PDE1C: variants seen among roughly 807,000 people sequenced by gnomAD.
PDE1C encodes the protein phosphodiesterase 1C, also known as dual specificity calcium/calmodulin-dependent 3',5'-cyclic nucleotide phosphodiesterase 1C.
PDE1C carries 62 observed loss-of-function variants against 93.1 expected under a neutral mutation model. The ratio of observed to expected loss-of-function variants is 0.67; its 90% CI spans 0.54 to 0.82. PDE1C has a LOEUF of 0.82. Ranked by LOEUF, PDE1C falls within the 40% of genes least tolerant of loss-of-function variation. PDE1C has a pLI of 0.00. For synonymous variants in PDE1C, 325 were observed against 310.1 expected, an observed-to-expected ratio of 1.05 and a Z score of -0.50; for missense variants, 742 against 884.6, an observed-to-expected ratio of 0.84 and a Z score of 2.04.
At chr7:31,932,994 T>C (rs1804530490) in intron 2 of PDE1C, among the ~76,000 whole-genome samples, 1 of 152,016 alleles carries the variant, frequency 6.6e-6, no homozygotes, top group Admixed American at 6.6e-5. Context: ...ATGTTCCCAC[T>C]CATAAGTGGG....
intron 1 of PDE1C, among the ~76,000 whole-genome samples, chr7:32,313,307 G>A (rs1783095356): frequency 6.7e-6 from 1 of 150,072 alleles, no homozygotes; most frequent in African/African-American, 2.5e-5. Flanking sequence ...CTGTTGGTGG[G>A]ACTGTAAACT....
At chr7:31,743,749 T>G in the PDE1C span, among the ~76,000 whole-genome samples, 2 of 152,198 alleles carry the variant, frequency 1.3e-5, no homozygotes, top group Non-Finnish European at 2.9e-5. Flanking sequence ...AATAGGGGTT[T>G]ATTTTTCTCA....
chr7:32,001,651 C>T (rs1315302799), intron 2 of PDE1C, among the ~76,000 whole-genome samples: 2 of 152,058 alleles, frequency 1.3e-5, no homozygotes, highest in African/African-American at 2.4e-5. Context: ...GCATCCTTAT[C>T]TCCATTTTGC....
At chr7:32,403,007 G>C (rs887177184) in intron 1 of PDE1C, among the ~76,000 whole-genome samples, 6 of 152,190 alleles carry the variant, frequency 3.9e-5, no homozygotes, top group Non-Finnish European at 8.8e-5. Context: ...CAGGGCAGGA[G>C]ACTCAGGACT....
chr7:32,280,880 G>A lies in PDE1C; in HGVS notation c.85+17771C>T, dbSNP rs552026385. On this transcript the variant is annotated intron_variant, in intron 1 of 18. Coordinates refer to the PDE1C transcript ENST00000396193. ...CACACCTATAGTCCTAGCTACTTGG[G>A]AGCCTGAGGCAAGAGGATCACTAGA... 6.6e-5 allele frequency among the ~76,000 whole-genome samples: 10 copies of A among 152,236 alleles called. No homozygotes were observed. In the East Asian group the frequency reaches 1.9e-3, roughly 29 times the overall value.
chr7:32,216,623 C>T (rs528623676), intron 1 of PDE1C, among the ~76,000 whole-genome samples: 20 of 152,318 alleles, frequency 1.3e-4, no homozygotes, highest in African/African-American at 4.8e-4. Flanking sequence ...TCTTCAAAAA[C>T]CAGGCACTGA....
intron 2 of PDE1C, among the ~76,000 whole-genome samples, chr7:32,032,178 C>A (rs978181720): frequency 2.0e-5 from 3 of 152,138 alleles, no homozygotes. Context: ...ACCCAGGATG[C>A]CACATGGGGC....
At chr7:32,308,186 G>A (rs1375934677) in intron 1 of PDE1C, among the ~76,000 whole-genome samples, 8 of 152,246 alleles carry the variant, frequency 5.3e-5, no homozygotes, top group Non-Finnish European at 8.8e-5. Flanking sequence ...GCTGGGGGAG[G>A]GGCGCCTGCC....
At chr7:32,244,129 T>C (rs910237359) in intron 1 of PDE1C, among the ~76,000 whole-genome samples, 18 of 152,100 alleles carry the variant, frequency 1.2e-4, no homozygotes, top group Admixed American at 1.0e-3. Context: ...CCACACCTGA[T>C]TTGTGGAATG....
chr7:32,308,467 C>A (rs1222339691), intron 1 of PDE1C, among the ~76,000 whole-genome samples: 9 of 152,236 alleles, frequency 5.9e-5, no homozygotes, highest in Non-Finnish European at 1.3e-4. Context: ...AGCAGCCTAA[C>A]TGGGAGGCAC....
At chr7:31,879,260 C>A in intron 3 of PDE1C, 82 bp from the exon 4 acceptor site, 10 of 1,361,784 alleles carry the variant, frequency 7.3e-6, no homozygotes, top group Non-Finnish European at 1.0e-5. Flanking sequence ...CTCCTCTCTG[C>A]CTCACCTGCA....
At chr7:32,411,237 G>C (rs967225615) in intron 1 of PDE1C, among the ~76,000 whole-genome samples, 1 of 152,130 alleles carries the variant, frequency 6.6e-6, no homozygotes, top group Non-Finnish European at 1.5e-5. Context: ...ATTAGAAGTG[G>C]ATGAGCAAAC....
intron 1 of PDE1C, among the ~76,000 whole-genome samples, chr7:32,298,250 A>C (rs893343390): frequency 2.6e-5 from 4 of 151,412 alleles, no homozygotes; most frequent in Non-Finnish European, 5.9e-5. Flanking sequence ...GTGTGTCTCT[A>C]TCATGTCCAC....
intron 2 of PDE1C, among the ~76,000 whole-genome samples, chr7:31,894,283 G>A (rs73306559): frequency 0.015 from 2,294 of 152,286 alleles, 48 homozygotes; most frequent in African/African-American, 0.052. Flanking sequence ...GTGATGCTCC[G>A]TGCTCTGGGG....
At chr7:31,738,340 G>T in the PDE1C span, among the ~76,000 whole-genome samples, 1 of 152,158 alleles carries the variant, frequency 6.6e-6, no homozygotes, top group Non-Finnish European at 1.5e-5. Context: ...CAATCATGGC[G>T]GTAGGTGAAT....
chr7:31,828,881 C>T (rs945274417), intron 11 of PDE1C, among the ~76,000 whole-genome samples: 1 of 152,066 alleles, frequency 6.6e-6, no homozygotes, highest in Non-Finnish European at 1.5e-5. Flanking sequence ...ACCTCAGAGA[C>T]CAGTCCATAA....
chr7:32,369,988 C>A (rs189838772), intron 1 of PDE1C, among the ~76,000 whole-genome samples: 226 of 152,236 alleles, frequency 1.5e-3, no homozygotes, highest in African/African-American at 5.2e-3. Context: ...TGGGTATATA[C>A]CCAAAGGATT....
chr7:32,331,881 A>G (rs1783523133), intron 1 of PDE1C, among the ~76,000 whole-genome samples: 1 of 152,224 alleles, frequency 6.6e-6, no homozygotes, highest in African/African-American at 2.4e-5. Flanking sequence ...AGGTAGGGCC[A>G]GTCCTATCCC....
intron 2 of PDE1C, among the ~76,000 whole-genome samples, chr7:31,912,678 C>G (rs1016912178): frequency 6.6e-6 from 1 of 151,868 alleles, no homozygotes. Context: ...CAAAGTGAGA[C>G]CTTGTCTCAA....
Sources: allele counts gnomAD v4.1 joint callset (sites outside exome capture counted in the v4.1 genomes callset), GRCh38; gene constraint gnomAD v4.1.1; transcripts MANE v1.5; gene names NCBI Gene and HGNC (gene_info 2026-07-23, HGNC 2026-07-21).